Variants in CNR1 observed in about 807,000 individuals in gnomAD.
CNR1 encodes cannabinoid receptor 1 (brain).
A neutral mutation model predicts 23.0 loss-of-function variants in CNR1; 10 were observed. The ratio of observed to expected loss-of-function variants is 0.43; its 90% CI spans 0.27 to 0.74. CNR1 has a LOEUF of 0.74. CNR1 is among the 30% of genes least tolerant of loss of function. The pLI, the probability that CNR1 is intolerant of heterozygous loss-of-function variation, is 0.19. For missense variants in CNR1, 422 were observed against 618.8 expected (o/e 0.68, Z 3.37); for synonymous variants, 271 against 255.2 (o/e 1.06, Z -0.59).
At chr6:88,161,997 A>G (rs6914429) in intron 1 of CNR1, among the ~76,000 whole-genome samples, 1 of 152,168 alleles carries the variant, frequency 6.6e-6, no homozygotes, top group Non-Finnish European at 1.5e-5. Context: ...AGGATTGGCT[A>G]AAAAGAAACT....
At chr6:88,155,041 C>T (rs1777723279) in intron 1 of CNR1, among the ~76,000 whole-genome samples, 1 of 152,210 alleles carries the variant, frequency 6.6e-6, no homozygotes, top group Non-Finnish European at 1.5e-5. Flanking sequence ...TTCTGGTCCA[C>T]AAAATGTGTA....
At chr6:88,154,251 T>C (rs1777677550) in intron 1 of CNR1, among the ~76,000 whole-genome samples, 1 of 152,258 alleles carries the variant, frequency 6.6e-6, no homozygotes, top group African/African-American at 2.4e-5. Context: ...CATTGACTTA[T>C]ACGAGTGTAG....
intron 1 of CNR1, among the ~76,000 whole-genome samples, chr6:88,165,259 AT>A (rs1385910265): frequency 6.6e-6 from 1 of 152,252 alleles, no homozygotes; most frequent in Non-Finnish European, 1.5e-5. Context: ...AACTTTAGTC[AT>A]CTAACAGCTA....
At position 88,141,146 on chromosome 6, in the gene CNR1, GTTAA is replaced by G. The variant is rs1227318835; in HGVS notation, c.*2706_*2709del. 1 of 152,426 alleles carries G rather than the reference GTTAA, an allele frequency of 6.6e-6. No homozygotes were observed. Among genetic ancestry groups the G allele is most frequent in the Non-Finnish European group, 1.5e-5 (1 of 68,024 alleles). The allele number at this position is 152,426 out of a possible 1,614,324, so 9.4% of individuals were successfully genotyped here. On this transcript the variant is annotated 3_prime_UTR_variant, in exon 2 of 2. Transcript: ENST00000369501. ...TTAAATTAATGGATCTAATTATGGG[GTTAA>G]TTAATGAGTGATATTAACAAATGGT...
chr6:88,154,822 G>A lies in CNR1; in HGVS notation c.-63-9485C>T, dbSNP rs148615011. On this transcript the variant is annotated intron_variant, in intron 1 of 1. Transcript: ENST00000369501. ...TTGAACACCTGACCTCAAGTGATCC[G>A]CCCACCTCGGCCTCCCACAAGTGCT... 6.2e-3 allele frequency among the ~76,000 whole-genome samples: 939 copies of A among 152,152 alleles called. 4 individuals are homozygous for A. The highest frequency in any genetic ancestry group is 8.9e-3 in the Non-Finnish European group (608 of 67,992).
chr6:88,147,503 G>A (rs1339636421), intron 1 of CNR1, among the ~76,000 whole-genome samples: 1 of 152,222 alleles, frequency 6.6e-6, no homozygotes, highest in Non-Finnish European at 1.5e-5. Context: ...TAGCATCACT[G>A]TAGGTGGGGA....
At position 88,145,206 on chromosome 6, in the gene CNR1, C is replaced by A. The variant is rs764239536; in HGVS notation, c.69G>T (p.Val23=). Residue 23 remains valine, a synonymous_variant, in exon 2 of 2, where the codon GTG becomes GTT. Transcript: ENST00000369501. The stretch of plus-strand genomic sequence containing the variant: ...CTTCGTACTGAATGTCATTTGAGCC[C>A]ACGTACAGGAGGTCAGTGGTGATGG... ...FRTITTDLLY[V]GSNDIQYEDI... The A allele has an allele frequency of 1.7e-5, 27 of 1,613,964 alleles. No individual in the cohort carries two copies. The African/African-American group carries it at 3.1e-4, about 18-fold the overall frequency.
chr6:88,166,862 C>T (rs9362466), upstream of CNR1, among the ~76,000 whole-genome samples: 79,272 of 151,332 alleles, frequency 0.52, 21,531 homozygotes, highest in East Asian at 0.77. Flanking sequence ...CTCGCGCCCC[C>T]TCCCTCCGCG....
chr6:88,145,062 G>A lies in CNR1; in HGVS notation c.213C>T (p.Val71=). 1 of 1,614,138 alleles carries A rather than the reference G, an allele frequency of 6.2e-7. No homozygotes were observed. The highest frequency in any genetic ancestry group is 8.5e-7 in the Non-Finnish European group (1 of 1,180,022). ...KMTAGDNPQL[V]PADQVNITEF... ...CTGTAATGTTCACCTGGTCTGCTGG[G>A]ACTAGCTGGGGGTTGTCTCCCGCAG... The change falls in exon 2 of 2, where the codon GTC becomes GTT. Residue 71 remains valine, a synonymous_variant. Transcript: ENST00000369501.
chr6:88,158,608 G>A (rs1242434493), intron 1 of CNR1, among the ~76,000 whole-genome samples: 3 of 152,170 alleles, frequency 2.0e-5, no homozygotes. Flanking sequence ...TAGGGTTGGG[G>A]TGCATCTCCA....
At position 88,145,002 on chromosome 6, in the gene CNR1, C is replaced by T. The variant is rs1777082234; in HGVS notation, c.273G>A (p.Glu91=). The change falls in exon 2 of 2, where the codon GAG becomes GAA. Residue 91 remains glutamate, a synonymous_variant. Coordinates refer to ENST00000369501, the MANE Select transcript of CNR1 (RefSeq NM_016083.6). ...FYNKSLSSFK[E]NEENIQCGEN... ...CCCCACACTGGATGTTCTCCTCATT[C>T]TCCTTGAAGGACGAGAGAGACTTGT... The T allele has an allele frequency of 6.2e-7, 1 of 1,614,164 alleles. No individual in the cohort carries two copies. The highest frequency in any genetic ancestry group is 8.5e-7 in the Non-Finnish European group (1 of 1,180,028).
chr6:88,164,620 A>C (rs2127773757), intron 1 of CNR1, among the ~76,000 whole-genome samples: 1 of 152,354 alleles, frequency 6.6e-6, no homozygotes, highest in South Asian at 2.1e-4. Context: ...AAAATCAATT[A>C]GTGTATCTTC....
chr6:88,143,801 A>G lies in CNR1; in HGVS notation c.*55T>C. On this transcript the variant is annotated 3_prime_UTR_variant, in exon 2 of 2. Coordinates refer to ENST00000369501, the MANE Select transcript of CNR1 (RefSeq NM_016083.6). The stretch of plus-strand genomic sequence containing the variant: ...CCAAGGAGACAATAGACTCTTCTAG[A>G]TTTTGAGCTTAAAAAAAAAAATTCT... 7.3e-7 allele frequency: 1 copy of G among 1,369,398 alleles called. No homozygotes were observed. Among genetic ancestry groups the G allele is most frequent in the Non-Finnish European group, 1.0e-6 (1 of 985,578 alleles). The allele number at this position is 1,369,398 out of a possible 1,614,324, so 84.8% of individuals were successfully genotyped here.
rs538941342 is a variant in CNR1, at chr6:88,142,764, T to A, written c.*1092A>T. ...AACAGTTACAGGACAGAAACACACA[T>A]ACACACATTTATATTCACACTCACA... On this transcript the variant is annotated 3_prime_UTR_variant, in exon 2 of 2. Coordinates refer to ENST00000369501, the MANE Select transcript of CNR1 (RefSeq NM_016083.6). 6.6e-6 allele frequency: 1 copy of A among 152,650 alleles called. No individual in the cohort carries two copies. The highest frequency in any genetic ancestry group is 2.4e-5 in the African/African-American group (1 of 41,552). 9.5% of individuals were successfully genotyped at this position (152,650 alleles called of 1,614,324 possible).
intron 1 of CNR1, among the ~76,000 whole-genome samples, chr6:88,161,712 T>C (rs1310891743): frequency 6.6e-6 from 1 of 152,226 alleles, no homozygotes; most frequent in Non-Finnish European, 1.5e-5. Context: ...AAACATGCCA[T>C]GTGAGCAAGT....
rs16880261 is a variant in CNR1 at position 88,145,494 on chromosome 6, A to G, written c.-63-157T>C. On this transcript the variant is annotated intron_variant, in intron 1 of 1. Coordinates refer to ENST00000369501, the MANE Select transcript of CNR1 (RefSeq NM_016083.6). ...CTCATCAGATTCAGTCAACAAAATG[A>G]GTAAGTCACTCAGAGAAAAGCTCCC... 5.3e-3 allele frequency: 2,770 copies of G among 526,092 alleles called. 84 individuals are homozygous for G. The highest frequency in any genetic ancestry group is 0.05 in the African/African-American group (2,600 of 52,510). 32.6% of individuals were successfully genotyped at this position (526,092 alleles called of 1,614,324 possible).
intron 1 of CNR1, among the ~76,000 whole-genome samples, chr6:88,161,263 T>C (rs546771807): frequency 6.6e-6 from 1 of 152,340 alleles, no homozygotes; most frequent in African/African-American, 2.4e-5. Flanking sequence ...TTTCTCCAGC[T>C]GGGGCTCAAA....
At chr6:88,164,293 A>G (rs1778256125) in intron 1 of CNR1, 1 of 152,384 alleles carries the variant, frequency 6.6e-6, no homozygotes, top group South Asian at 2.1e-4. Flanking sequence ...AGTGGGAGAC[A>G]TCTTTGAAAC....
intron 1 of CNR1, among the ~76,000 whole-genome samples, chr6:88,148,565 T>A (rs1777336301): frequency 6.6e-6 from 1 of 151,486 alleles, no homozygotes; most frequent in Admixed American, 6.6e-5. Flanking sequence ...AAAAAAAAAA[T>A]GATCATGTAA....
Sources: allele counts gnomAD v4.1 joint callset (sites outside exome capture counted in the v4.1 genomes callset), GRCh38; gene constraint gnomAD v4.1.1; transcripts MANE v1.5; gene names NCBI Gene and HGNC (gene_info 2026-07-23, HGNC 2026-07-21).